EPPIN: variants seen among roughly 807,000 people sequenced by gnomAD.
The protein encoded by EPPIN is epididymal peptidase inhibitor, also known as WAP four-disulfide core domain protein 7.
Under a neutral mutation model 18.8 loss-of-function variants are expected in EPPIN, and 14 were observed. The observed-to-expected ratio is 0.75, with a 90% confidence interval of 0.49 to 1.17. The LOEUF is 1.17. Ranked by LOEUF, EPPIN falls within the 50% of genes most tolerant of loss-of-function variation. EPPIN has a pLI of 0.00. For missense variants in EPPIN, 143 were observed against 154.2 expected (o/e 0.93, Z 0.39); for synonymous variants, 57 against 54.8 (o/e 1.04, Z -0.18).
intron 3 of EPPIN, 99 bp downstream of exon 3, chr20:45,542,601 T>C (rs1979643345): frequency 2.0e-6 from 3 of 1,504,382 alleles, no homozygotes; most frequent in East Asian, 4.5e-5. Flanking sequence ...CAGCACCAGG[T>C]CTGCCAAAGA....
Position 45,545,931 on chromosome 20 carries a change from G to A in EPPIN, c.92-161C>T, listed in dbSNP as rs1328017744. The A allele has an allele frequency of 1.3e-5, 14 of 1,068,574 alleles. No homozygotes were observed. The East Asian group carries it at 3.6e-4, about 27-fold the overall frequency. 66.2% of individuals were successfully genotyped at this position (1,068,574 alleles called of 1,614,324 possible). On this transcript the variant is annotated intron_variant, in intron 1 of 3. Transcript: ENST00000354280. ...GGGCAGCCTCACTCATTTCCCTACT[G>A]CCTACACCCCCACCACTCCCCAGTG...
At chr20:45,544,726 T>G (rs1398231700) in intron 2 of EPPIN, 1 of 152,182 alleles carries the variant, frequency 6.6e-6, no homozygotes. Flanking sequence ...ACTCGATAGA[T>G]GTAGTATGAA....
chr20:45,542,202 C>T (rs1262213838), intron 3 of EPPIN, 48 bp from the exon 4 acceptor site: 5 of 1,610,468 alleles, frequency 3.1e-6, no homozygotes, highest in Admixed American at 3.4e-5. Context: ...GGGTTCAGCT[C>T]ATCTTTGGAG....
chr20:45,542,260 A>T (rs1979626437), intron 3 of EPPIN, 106 bp from the exon 4 acceptor site: 1 of 1,488,064 alleles, frequency 6.7e-7, no homozygotes, highest in South Asian at 1.2e-5. Flanking sequence ...ACTAAAAAGT[A>T]GTGGGTTTGC....
chr20:45,542,537 TTGTC>T (rs1979640167), intron 3 of EPPIN, 159 bp downstream of exon 3: 2 of 1,054,218 alleles, frequency 1.9e-6, no homozygotes, highest in African/African-American at 3.2e-5. Flanking sequence ...GAAAGTAACT[TTGTC>T]TTGCCTTTTG....
At chr20:45,546,220 G>A (rs1044587141) in intron 1 of EPPIN, 5 of 191,726 alleles carry the variant, frequency 2.6e-5, no homozygotes, top group Admixed American at 1.2e-4. Context: ...AAGCCAATGC[G>A]GTCTTTTTGG....
intron 2 of EPPIN, 168 bp downstream of exon 2, chr20:45,545,471 G>A (rs1979783940): frequency 2.6e-6 from 3 of 1,135,920 alleles, no homozygotes; most frequent in South Asian, 1.5e-5. Flanking sequence ...ATTCCTAATG[G>A]CACACACCAT....
At chr20:45,546,052 T>TG (rs1274537868) in intron 1 of EPPIN, 5 of 488,220 alleles carry the variant, frequency 1.0e-5, no homozygotes, top group East Asian at 6.2e-5. Context: ...ATTCTTTGTT[T>TG]GGGGGGCTGA....
At position 45,546,025 on chromosome 20, in the gene EPPIN, G is replaced by T. The variant is rs868709541; in HGVS notation, c.92-255C>A. 5.7e-6 allele frequency: 3 copies of T among 528,366 alleles called. No individual in the cohort carries two copies. The Admixed American group carries it at 1.0e-4, about 18-fold the overall frequency. The allele number at this position is 528,366 out of a possible 1,614,324, so 32.7% of individuals were successfully genotyped here. A position where few individuals can be genotyped will look rare whatever the true frequency, so the allele number is the denominator to read the frequency against. ...AAGGCAGAATTTCTCAACCACTGGTGATATTTGGGCTGGATAATTCTTTGT... is the reference window on the plus strand; with the variant it reads ...AAGGCAGAATTTCTCAACCACTGGTTATATTTGGGCTGGATAATTCTTTGT... On this transcript the variant is annotated intron_variant, in intron 1 of 3. Transcript: ENST00000354280.
At position 45,545,477 on chromosome 20, in the gene EPPIN, A is replaced by T. The variant is rs6032292; in HGVS notation, c.223+162T>A. On this transcript the variant is annotated intron_variant, in intron 2 of 3. Coordinates refer to ENST00000354280, the MANE Select transcript of EPPIN (RefSeq NM_020398.4). ...GATAAGGTCATTCCTAATGGCACAC[A>T]CCATATTTGGCACAGTAATGAATCT... 9.9e-6 allele frequency: 12 copies of T among 1,209,808 alleles called. No homozygotes were observed. The East Asian group carries it at 2.9e-4, about 29-fold the overall frequency. 74.9% of individuals were successfully genotyped at this position (1,209,808 alleles called of 1,614,324 possible).
chr20:45,544,819 C>A (rs1389232776), intron 2 of EPPIN: 2 of 152,218 alleles, frequency 1.3e-5, no homozygotes, highest in African/African-American at 2.4e-5. Flanking sequence ...CCCACCATAC[C>A]TGAATTGTTT....
chr20:45,542,686 C>A lies in EPPIN; in HGVS notation c.391+14G>T. 3.7e-6 allele frequency: 6 copies of A among 1,610,842 alleles called. No individual in the cohort carries two copies. The highest frequency in any genetic ancestry group is 4.2e-6 in the Non-Finnish European group (5 of 1,178,592). On this transcript the variant is annotated intron_variant, in intron 3 of 3. Coordinates refer to ENST00000354280, the MANE Select transcript of EPPIN (RefSeq NM_020398.4). The stretch of plus-strand genomic sequence containing the variant: ...GACTGGAGAGGATGAAAGACCGGGG[C>A]CCCTAGGACTTACGTTTATTCTTGC...
At chr20:45,542,418 CTG>C (rs1979632823) in intron 3 of EPPIN, 1 of 636,120 alleles carries the variant, frequency 1.6e-6, no homozygotes, top group Non-Finnish European at 2.7e-6. Flanking sequence ...CAATTCATCT[CTG>C]AGATTTCACC....
chr20:45,545,677 A>G lies in EPPIN; in HGVS notation c.185T>C (p.Val62Ala). 4.3e-6 allele frequency: 7 copies of G among 1,614,100 alleles called. No individual in the cohort carries two copies. The highest frequency in any genetic ancestry group is 5.9e-6 in the Non-Finnish European group (7 of 1,179,958). The change falls in exon 2 of 4, where the codon GTC (valine) becomes GCC (alanine). Residue 62 changes from valine to alanine, a missense_variant. By Grantham distance (64) the Val-to-Ala change is moderately conservative. Coordinates refer to ENST00000354280, the MANE Select transcript of EPPIN (RefSeq NM_020398.4). Reference protein sequence around the residue: ...RQCQDNKKCCVFSCGKKCLDL... With the variant: ...RQCQDNKKCCAFSCGKKCLDL... Reference sequence around the variant, plus strand: ...TAAACATTTTTTTCCGCAGCTGAAGACACAACACTTCTTGTTGTCCTGGCA... The same window carrying G: ...TAAACATTTTTTTCCGCAGCTGAAGGCACAACACTTCTTGTTGTCCTGGCA...
chr20:45,545,730 T>C lies in EPPIN; in HGVS notation c.132A>G (p.Glu44=). The change falls in exon 2 of 4, where the codon GAA becomes GAG. Residue 44 remains glutamate (E), a synonymous_variant. Coordinates refer to ENST00000354280, the MANE Select transcript of EPPIN (RefSeq NM_020398.4). ...PKIREECEFQ[E]RDVCTKDRQC... is the part of the protein sequence containing the mutation. ...GTCTGTCCTTTGTACACACATCCCT[T>C]TCTTGGAATTCACATTCTTCTCTGA... The C allele has an allele frequency of 6.2e-7, 1 of 1,614,058 alleles. No individual in the cohort carries two copies. Among genetic ancestry groups the C allele is most frequent in the Non-Finnish European group, 8.5e-7 (1 of 1,179,928 alleles).
Position 45,541,805 on chromosome 20 carries a change from G to A in EPPIN, c.*339C>T, listed in dbSNP as rs981441514. 3.8e-6 allele frequency: 1 copy of A among 261,524 alleles called. No individual in the cohort carries two copies. Among genetic ancestry groups the A allele is most frequent in the African/African-American group, 2.2e-5 (1 of 45,466 alleles). 16.2% of individuals were successfully genotyped at this position (261,524 alleles called of 1,614,324 possible). A position where few individuals can be genotyped will look rare whatever the true frequency, so the allele number is the denominator to read the frequency against. On this transcript the variant is annotated 3_prime_UTR_variant, in exon 4 of 4. Coordinates refer to ENST00000354280, the MANE Select transcript of EPPIN (RefSeq NM_020398.4). ...GATCCCTTACTCTGCAAAGTGTAAT[G>A]TGCCAAAAAGATGTCAATCACTCAG...
chr20:45,547,361 G>T lies in EPPIN; in HGVS notation c.-4C>A. ...TCAAAAGTCCAGAAGATCCCATGTT[G>T]AAGAGAGGCCAGCCTTTCTGGTGGT... On this transcript the variant is annotated 5_prime_UTR_variant, in exon 1 of 4. Transcript: ENST00000354280. 1 of 1,613,650 alleles carries T rather than the reference G, an allele frequency of 6.2e-7. No homozygotes were observed.
intron 1 of EPPIN, 29 bp from the exon 2 acceptor site, chr20:45,545,799 T>C: frequency 6.2e-7 from 1 of 1,611,570 alleles, no homozygotes; most frequent in Non-Finnish European, 8.5e-7. Context: ...TACACCCGTG[T>C]GCCTTAGAGA....
chr20:45,545,951 C>T, intron 1 of EPPIN, 181 bp from the exon 2 acceptor site: 1 of 842,644 alleles, frequency 1.2e-6, no homozygotes, highest in Non-Finnish European at 1.8e-6. Flanking sequence ...CCACCACTCC[C>T]CAGTGACCTC....
Sources: gnomAD v4.1 joint callset for allele counts on GRCh38, gnomAD v4.1.1 for gene constraint, MANE v1.5 for transcripts, NCBI Gene and HGNC (gene_info 2026-07-23, HGNC 2026-07-21) for gene names.